Variants in TMEM163 observed in about 807,000 individuals in gnomAD.
TMEM163 encodes transmembrane protein 163.
TMEM163 carries 17 observed loss-of-function variants against 29.3 expected under a neutral mutation model. The observed-to-expected ratio is 0.58, with a 90% CI of 0.40 to 0.87. TMEM163 has a LOEUF of 0.87. Ranked by LOEUF, TMEM163 falls within the 40% of genes least tolerant of loss-of-function variation. The probability of loss-of-function intolerance (pLI) is 0.00; values close to 1 mark genes in which losing one functional copy is unlikely to be tolerated. For synonymous variants in TMEM163, 157 were observed against 160.6 expected, an observed-to-expected ratio of 0.98 and a Z score of 0.17; for missense variants, 303 against 381.5, an observed-to-expected ratio of 0.79 and a Z score of 1.71.
At chr2:134,671,416 C>T (rs948189844) in intron 2 of TMEM163, among the ~76,000 whole-genome samples, 5 of 152,130 alleles carry the variant, frequency 3.3e-5, no homozygotes, top group African/African-American at 1.2e-4. Context: ...GACCATGGCG[C>T]TGCCCTCCCT....
chr2:134,509,166 T>C (rs1381561025), intron 4 of TMEM163, among the ~76,000 whole-genome samples: 1 of 152,226 alleles, frequency 6.6e-6, no homozygotes, highest in Admixed American at 6.5e-5. Context: ...CTATTCTATA[T>C]GGTAGCCACT....
chr2:134,657,012 A>G (rs1274100524), intron 2 of TMEM163, among the ~76,000 whole-genome samples: 2 of 152,012 alleles, frequency 1.3e-5, no homozygotes, highest in African/African-American at 2.4e-5. Context: ...TTTGTTGAGG[A>G]TTTTTGCATC....
intron 2 of TMEM163, 39 bp downstream of exon 2, chr2:134,713,161 C>T (rs768567543): frequency 6.2e-7 from 1 of 1,604,632 alleles, no homozygotes. Flanking sequence ...AAACGGGCAA[C>T]AGCAGCACAT....
intron 2 of TMEM163, among the ~76,000 whole-genome samples, chr2:134,583,582 C>T (rs1224439413): frequency 6.6e-6 from 1 of 152,126 alleles, no homozygotes; most frequent in Non-Finnish European, 1.5e-5. Context: ...AACTCAAGGG[C>T]CAATAACGAA....
At chr2:134,635,471 G>A (rs1345473618) in intron 2 of TMEM163, among the ~76,000 whole-genome samples, 1 of 152,102 alleles carries the variant, frequency 6.6e-6, no homozygotes, top group Non-Finnish European at 1.5e-5. Context: ...GTATCTCAGA[G>A]TGACAAAATC....
intron 2 of TMEM163, among the ~76,000 whole-genome samples, chr2:134,642,309 T>C (rs1311185619): frequency 6.6e-6 from 1 of 152,106 alleles, no homozygotes; most frequent in Non-Finnish European, 1.5e-5. Flanking sequence ...TTGTATTTTT[T>C]AGTAAAGATG....
intron 4 of TMEM163, among the ~76,000 whole-genome samples, chr2:134,515,170 A>AG (rs1262679560): frequency 6.6e-6 from 1 of 152,230 alleles, no homozygotes. Flanking sequence ...CTCGAGCCTT[A>AG]GTCCATCCTG....
chr2:134,674,507 G>A (rs1257400773), intron 2 of TMEM163, among the ~76,000 whole-genome samples: 1 of 31,152 alleles, frequency 3.2e-5, no homozygotes, highest in Non-Finnish European at 7.5e-5. Context: ...GCGCGCGCGC[G>A]CGCTACCATA....
intron 2 of TMEM163, among the ~76,000 whole-genome samples, chr2:134,638,316 T>C (rs1278285835): frequency 6.6e-6 from 1 of 152,230 alleles, no homozygotes; most frequent in African/African-American, 2.4e-5. Flanking sequence ...GTTAGCAAAC[T>C]GTGTGTCAGA....
chr2:134,612,494 G>C (rs1300833044), intron 2 of TMEM163, among the ~76,000 whole-genome samples: 1 of 150,066 alleles, frequency 6.7e-6, no homozygotes, highest in Non-Finnish European at 1.5e-5. Flanking sequence ...AAGAAGTGAA[G>C]GCTAGGCAGG....
At chr2:134,582,934 C>A (rs1184100084) in intron 2 of TMEM163, among the ~76,000 whole-genome samples, 1 of 152,188 alleles carries the variant, frequency 6.6e-6, no homozygotes, top group African/African-American at 2.4e-5. Context: ...CTTGAACACA[C>A]TCCACATATA....
At chr2:134,611,139 A>G (rs2104817863) in intron 2 of TMEM163, among the ~76,000 whole-genome samples, 1 of 152,316 alleles carries the variant, frequency 6.6e-6, no homozygotes, top group East Asian at 1.9e-4. Context: ...ATGTAGCCAA[A>G]AGTCAGTTAC....
chr2:134,562,317 A>G (rs1238911337), intron 2 of TMEM163, among the ~76,000 whole-genome samples: 4 of 152,256 alleles, frequency 2.6e-5, no homozygotes, highest in Non-Finnish European at 2.9e-5. Flanking sequence ...GCACAAGTGC[A>G]TTGTCAGTGC....
At chr2:134,510,971 G>C (rs1035721213) in intron 4 of TMEM163, among the ~76,000 whole-genome samples, 1 of 152,148 alleles carries the variant, frequency 6.6e-6, no homozygotes, top group South Asian at 2.1e-4. Context: ...GCGGAGACTC[G>C]TGGCCCAAGG....
chr2:134,636,618 C>G (rs542214792), intron 2 of TMEM163, among the ~76,000 whole-genome samples: 84 of 152,250 alleles, frequency 5.5e-4, no homozygotes, highest in African/African-American at 1.5e-3. Context: ...AGCCCTTTCC[C>G]AAAACAAACC....
rs186643699 is a variant in TMEM163 at position 134,642,567 on chromosome 2, C to T, written c.322+70633G>A. Among the ~76,000 whole-genome samples, 173 of 152,264 alleles carry T rather than the reference C, an allele frequency of 1.1e-3. 1 individual carries two copies. The highest frequency in any genetic ancestry group is 3.9e-3 in the African/African-American group (160 of 41,552). On this transcript the variant is annotated intron_variant, in intron 2 of 7. Coordinates refer to ENST00000281924, the MANE Select transcript of TMEM163 (RefSeq NM_030923.5). The stretch of plus-strand genomic sequence containing the variant: ...GGAACTAATTGAAATTTACACAATA[C>T]CATACACCATAACAGTAGAATACAC...
chr2:134,531,930 T>C (rs1680424818), intron 4 of TMEM163, among the ~76,000 whole-genome samples: 1 of 152,180 alleles, frequency 6.6e-6, no homozygotes, highest in African/African-American at 2.4e-5. Context: ...ACCAACCCCA[T>C]CCTGAAGCTA....
chr2:134,682,527 G>A (rs1032950486), intron 2 of TMEM163, among the ~76,000 whole-genome samples: 2 of 152,220 alleles, frequency 1.3e-5, no homozygotes, highest in African/African-American at 2.4e-5. Context: ...CACAGGCTAA[G>A]AGCGTGAAGA....
At chr2:134,475,585 A>G (rs1399250267) in intron 5 of TMEM163, among the ~76,000 whole-genome samples, 1 of 152,188 alleles carries the variant, frequency 6.6e-6, no homozygotes, top group Non-Finnish European at 1.5e-5. Flanking sequence ...ATTGTAAAAC[A>G]TATCTGATAC....
Sources: allele counts gnomAD v4.1 joint callset (sites outside exome capture counted in the v4.1 genomes callset), GRCh38; gene constraint gnomAD v4.1.1; transcripts MANE v1.5; gene names NCBI Gene and HGNC (gene_info 2026-07-23, HGNC 2026-07-21).